The following RAB3C variants were observed in gnomAD, a reference collection of about 807,000 sequenced individuals.
The protein encoded by RAB3C is ras-related protein Rab-3C.
RAB3C carries 17 observed loss-of-function variants against 26.4 expected under a neutral mutation model. The observed-to-expected ratio is 0.64, with a 90% CI of 0.44 to 0.97. The LOEUF is 0.97. Ranked by LOEUF, RAB3C falls within the 50% of genes least tolerant of loss-of-function variation. RAB3C has a pLI of 0.00. For missense variants in RAB3C, 242 were observed against 281.9 expected (o/e 0.86, Z 1.01); for synonymous variants, 91 against 95.9 (o/e 0.95, Z 0.30).
At chr5:58,781,661 A>G (rs1375562354) in intron 3 of RAB3C, among the ~76,000 whole-genome samples, 2 of 152,022 alleles carry the variant, frequency 1.3e-5, no homozygotes, top group African/African-American at 2.4e-5. Flanking sequence ...CGCAGAATCT[A>G]CCAGTGGCTC....
chr5:58,619,051 C>T (rs430261), intron 2 of RAB3C, among the ~76,000 whole-genome samples: 2 of 151,990 alleles, frequency 1.3e-5, no homozygotes, highest in Non-Finnish European at 2.9e-5. Context: ...ATGACCTTTA[C>T]ACATCCTAAA....
intron 3 of RAB3C, among the ~76,000 whole-genome samples, chr5:58,789,201 T>C (rs190813323): frequency 1.3e-5 from 2 of 152,236 alleles, no homozygotes; most frequent in Admixed American, 1.3e-4. Context: ...TTATCACCGC[T>C]GTTCTGCTTG....
chr5:58,809,094 T>C (rs2112036857), intron 3 of RAB3C, among the ~76,000 whole-genome samples: 1 of 152,354 alleles, frequency 6.6e-6, no homozygotes, highest in South Asian at 2.1e-4. Flanking sequence ...GGATGTGACA[T>C]ACCCAGAGAA....
At chr5:58,806,661 T>C (rs1742945974) in intron 3 of RAB3C, among the ~76,000 whole-genome samples, 2 of 152,296 alleles carry the variant, frequency 1.3e-5, no homozygotes, top group Admixed American at 6.5e-5. Flanking sequence ...ATCTATGACA[T>C]GCCAGTAGCC....
intron 4 of RAB3C, among the ~76,000 whole-genome samples, chr5:58,838,708 T>C (rs1743803999): frequency 6.6e-6 from 1 of 152,210 alleles, no homozygotes; most frequent in Admixed American, 6.5e-5. Context: ...GTTAGGTCCA[T>C]CTGGTTTGTG....
chr5:58,643,615 C>T (rs77245699), intron 2 of RAB3C, among the ~76,000 whole-genome samples: 3,973 of 152,060 alleles, frequency 0.026, 73 homozygotes, highest in Middle Eastern at 0.048. Context: ...GGTGAAGGTT[C>T]CAGTGAGCCG....
intron 3 of RAB3C, among the ~76,000 whole-genome samples, chr5:58,780,589 G>C (rs1030195337): frequency 8.6e-5 from 13 of 152,034 alleles, no homozygotes; most frequent in African/African-American, 3.1e-4. Flanking sequence ...CCTAAGTTTT[G>C]TCATTTGCTT....
At chr5:58,717,079 A>G (rs534816041) in intron 2 of RAB3C, among the ~76,000 whole-genome samples, 50 of 152,074 alleles carry the variant, frequency 3.3e-4, no homozygotes, top group Non-Finnish European at 5.6e-4. Flanking sequence ...TGTTTATGAG[A>G]TATCTCCGTA....
intron 2 of RAB3C, among the ~76,000 whole-genome samples, chr5:58,625,189 C>T (rs531931894): frequency 5.9e-5 from 9 of 152,200 alleles, no homozygotes; most frequent in South Asian, 4.2e-4. Flanking sequence ...TAATTGCTCT[C>T]GACCAGCCAC....
chr5:58,843,466 T>C (rs1047384965), intron 4 of RAB3C, among the ~76,000 whole-genome samples: 7 of 152,214 alleles, frequency 4.6e-5, no homozygotes. Context: ...TACAAGGTTA[T>C]ATTTAACCCA....
chr5:58,708,820 T>C (rs901133298), intron 2 of RAB3C, among the ~76,000 whole-genome samples: 5 of 152,332 alleles, frequency 3.3e-5, no homozygotes, highest in African/African-American at 1.2e-4. Flanking sequence ...CTTGGTTTAT[T>C]TGTGAAGCAG....
chr5:58,701,697 T>C (rs911439866), intron 2 of RAB3C, among the ~76,000 whole-genome samples: 1 of 152,216 alleles, frequency 6.6e-6, no homozygotes, highest in Non-Finnish European at 1.5e-5. Flanking sequence ...GCCACCTGCA[T>C]TCCTGGGCTC....
intron 4 of RAB3C, among the ~76,000 whole-genome samples, chr5:58,847,792 C>G (rs1194407567): frequency 6.6e-6 from 1 of 152,140 alleles, no homozygotes; most frequent in Non-Finnish European, 1.5e-5. Context: ...TATTTTATGA[C>G]AAACTTATGA....
Position 58,627,515 on chromosome 5 carries a change from A to AAAAAAAAAAAAAAAAAAAC in RAB3C, c.252+9649_252+9650insAAAAAAAAAAAAAACAAAA, listed in dbSNP as rs1325212744. Among the ~76,000 whole-genome samples the AAAAAAAAAAAAAAAAAAAC allele has an allele frequency of 3.5e-4, 21 of 60,572 alleles. 3 individuals carry two copies. Among genetic ancestry groups the AAAAAAAAAAAAAAAAAAAC allele is most frequent in the Admixed American group, 6.4e-4 (3 of 4,706 alleles). 39.7% of individuals were successfully genotyped at this position (60,572 alleles called of 152,430 possible). A position where few individuals can be genotyped will look rare whatever the true frequency, so the allele number is the denominator to read the frequency against. On this transcript the variant is annotated intron_variant, in intron 2 of 4. Transcript: ENST00000282878. Reference sequence around the variant, plus strand: ...AAAAAAAAAAAAAAAAAAAAAAAAAAAAAACACAGCTTAAATTCGGTGCAA... The same window carrying AAAAAAAAAAAAAAAAAAAC: ...AAAAAAAAAAAAAAAAAAAAAAAAAAAAAAAAAAAAAAAAAAAACAAAACACAGCTTAAATTCGGTGCAA...
At chr5:58,632,293 A>G (rs762078588) in intron 2 of RAB3C, among the ~76,000 whole-genome samples, 1 of 152,226 alleles carries the variant, frequency 6.6e-6, no homozygotes, top group Non-Finnish European at 1.5e-5. Flanking sequence ...CATGGTCTCT[A>G]CAGACCTCAA....
intron 2 of RAB3C, among the ~76,000 whole-genome samples, chr5:58,663,250 A>G (rs1283445853): frequency 6.7e-6 from 1 of 149,896 alleles, no homozygotes; most frequent in Non-Finnish European, 1.5e-5. Flanking sequence ...TGATTGCTTT[A>G]ATTTTTGCTT....
chr5:58,762,897 T>C (rs1488824036), intron 3 of RAB3C, among the ~76,000 whole-genome samples: 2 of 152,128 alleles, frequency 1.3e-5, no homozygotes, highest in Admixed American at 6.5e-5. Context: ...CATACAAATA[T>C]AAAATGAATA....
intron 4 of RAB3C, among the ~76,000 whole-genome samples, chr5:58,845,614 G>GTA (rs1561150599): frequency 1.7e-5 from 1 of 57,744 alleles, no homozygotes. Context: ...ATATATATAT[G>GTA]TGTGTGTGTG....
intron 2 of RAB3C, among the ~76,000 whole-genome samples, chr5:58,642,039 A>G (rs1359061736): frequency 6.6e-6 from 1 of 152,172 alleles, no homozygotes; most frequent in African/African-American, 2.4e-5. Context: ...ACACCTGTGC[A>G]TAGGGCTGGC....
Sources: allele counts gnomAD v4.1 joint callset (sites outside exome capture counted in the v4.1 genomes callset), GRCh38; gene constraint gnomAD v4.1.1; transcripts MANE v1.5; gene names NCBI Gene and HGNC (gene_info 2026-07-23, HGNC 2026-07-21).